Variants in EIF4E1B observed in about 807,000 individuals in gnomAD.
The protein encoded by EIF4E1B is eukaryotic translation initiation factor 4E type 1B.
EIF4E1B carries 22 observed loss-of-function variants against 31.3 expected under a neutral mutation model. The ratio of observed to expected loss-of-function variants is 0.70; its 90% confidence interval spans 0.50 to 1.00. The LOEUF is 1.00. Among genes scored for constraint, EIF4E1B ranks in the 50% least tolerant of loss-of-function variants. The pLI is 0.00. For synonymous variants in EIF4E1B, 126 were observed against 120.2 expected, an observed-to-expected ratio of 1.05 and a Z score of -0.31; for missense variants, 290 against 311.6, an observed-to-expected ratio of 0.93 and a Z score of 0.52.
chr5:176,645,766 G>A lies in EIF4E1B; in HGVS notation c.615-100G>A, dbSNP rs571725656. 265 of 1,185,560 alleles carry A rather than the reference G, an allele frequency of 2.2e-4. No individual in the cohort carries two copies. Among genetic ancestry groups the A allele is most frequent in the Non-Finnish European group, 2.8e-4 (236 of 855,488 alleles). 73.4% of individuals were successfully genotyped at this position (1,185,560 alleles called of 1,614,324 possible). A position where few individuals can be genotyped will look rare whatever the true frequency, so the allele number is the denominator to read the frequency against. On this transcript the variant is annotated intron_variant, in intron 8 of 8. Transcript: ENST00000318682. The surrounding 1 kb of genome is among the most constrained non-coding windows in gnomAD (Gnocchi z 5.4). Reference sequence around the variant, plus strand: ...TGGGTAAGACACAACAGGTGTGGCTGTGGCCAGAATGAGGGTAGGAGTCTG... The same window carrying A: ...TGGGTAAGACACAACAGGTGTGGCTATGGCCAGAATGAGGGTAGGAGTCTG...
At chr5:176,644,743 C>A (rs943610232) in intron 6 of EIF4E1B, 9 of 500,048 alleles carry the variant, frequency 1.8e-5, no homozygotes, top group African/African-American at 3.9e-5. Flanking sequence ...CCACACCCAT[C>A]CCTGGAGGGC....
intron 2 of EIF4E1B, 135 bp from the exon 3 acceptor site, chr5:176,642,575 G>A: frequency 1.5e-6 from 1 of 654,528 alleles, no homozygotes; most frequent in South Asian, 2.3e-5. Context: ...GTGCCAGAAG[G>A]CCCCACGGCC....
intron 1 of EIF4E1B, among the ~76,000 whole-genome samples, chr5:176,631,524 G>A (rs775545140): frequency 2.0e-5 from 3 of 152,068 alleles, no homozygotes; most frequent in Admixed American, 6.5e-5. Flanking sequence ...CTATTTCATC[G>A]AGCAGGCTAG....
rs1479712020 is a variant in EIF4E1B at position 176,645,292 on chromosome 5, T to A, written c.474+49T>A. ...CAGGGGAAGAGACGGGCTGTGTGGG[T>A]CTCATGGTGGCAGTGGTCTCAAGGA... On this transcript the variant is annotated intron_variant, in intron 7 of 8. Coordinates refer to ENST00000318682, the MANE Select transcript of EIF4E1B (RefSeq NM_001099408.2). This position sits in a 1 kb window ranked among gnomAD's most constrained non-coding sequence, Gnocchi z 5.4. 6.3e-7 allele frequency: 1 copy of A among 1,589,298 alleles called. No homozygotes were observed. The highest frequency in any genetic ancestry group is 1.1e-5 in the South Asian group (1 of 88,158).
intron 1 of EIF4E1B, among the ~76,000 whole-genome samples, chr5:176,639,713 G>A (rs1202641829): frequency 6.6e-6 from 1 of 152,000 alleles, no homozygotes; most frequent in Non-Finnish European, 1.5e-5. Context: ...ACCCTCCCAG[G>A]CTGATTTGAG....
chr5:176,644,088 C>T lies in EIF4E1B; in HGVS notation c.297-288C>T, dbSNP rs1263886606. ...ACGGGAGTGGCTCTGAAAAGGGCTACACAAGCCCTAGGGAGGGTGAGAAGG... is the reference window on the plus strand; with the variant it reads ...ACGGGAGTGGCTCTGAAAAGGGCTATACAAGCCCTAGGGAGGGTGAGAAGG... On this transcript the variant is annotated intron_variant, in intron 5 of 8. Coordinates refer to ENST00000318682, the MANE Select transcript of EIF4E1B (RefSeq NM_001099408.2). 12 of 568,342 alleles carry T rather than the reference C, an allele frequency of 2.1e-5. No homozygotes were observed. In the South Asian group the frequency reaches 2.7e-4, roughly 13 times the overall value. 35.2% of individuals were successfully genotyped at this position (568,342 alleles called of 1,614,324 possible). A position where few individuals can be genotyped will look rare whatever the true frequency, so the allele number is the denominator to read the frequency against.
chr5:176,646,284 A>G lies in EIF4E1B; in HGVS notation c.*304A>G, dbSNP rs1290800246. On this transcript the variant is annotated 3_prime_UTR_variant, in exon 9 of 9. Coordinates refer to ENST00000318682, the MANE Select transcript of EIF4E1B (RefSeq NM_001099408.2). ...GGCTCTATGGTAGGCGGAGAAACCCATAGTCCAGCGTTTACTGTTTCCACC... is the reference window on the plus strand; with the variant it reads ...GGCTCTATGGTAGGCGGAGAAACCCGTAGTCCAGCGTTTACTGTTTCCACC... The G allele has an allele frequency of 6.2e-6, 2 of 324,748 alleles. No individual in the cohort carries two copies. Among genetic ancestry groups the G allele is most frequent in the Non-Finnish European group, 1.2e-5 (2 of 169,950 alleles). The allele number at this position is 324,748 out of a possible 1,614,324, so 20.1% of individuals were successfully genotyped here.
intron 1 of EIF4E1B, among the ~76,000 whole-genome samples, chr5:176,639,718 T>C (rs140329296): frequency 3.2e-4 from 48 of 152,174 alleles, no homozygotes; most frequent in African/African-American, 1.1e-3. Context: ...CCCAGGCTGA[T>C]TTGAGACCAG....
At position 176,645,291 on chromosome 5, in the gene EIF4E1B, G is replaced by A. The variant is rs1760672077; in HGVS notation, c.474+48G>A. ...TCAGGGGAAGAGACGGGCTGTGTGGGTCTCATGGTGGCAGTGGTCTCAAGG... is the reference window on the plus strand; with the variant it reads ...TCAGGGGAAGAGACGGGCTGTGTGGATCTCATGGTGGCAGTGGTCTCAAGG... On this transcript the variant is annotated intron_variant, in intron 7 of 8. Coordinates refer to ENST00000318682, the MANE Select transcript of EIF4E1B (RefSeq NM_001099408.2). This position sits in a 1 kb window ranked among gnomAD's most constrained non-coding sequence, Gnocchi z 5.4. 3 of 1,587,738 alleles carry A rather than the reference G, an allele frequency of 1.9e-6. No individual in the cohort carries two copies. The highest frequency in any genetic ancestry group is 1.1e-5 in the South Asian group (1 of 87,826).
chr5:176,637,932 TG>T (rs1467272834), intron 1 of EIF4E1B, among the ~76,000 whole-genome samples: 1 of 152,114 alleles, frequency 6.6e-6, no homozygotes, highest in Non-Finnish European at 1.5e-5. Flanking sequence ...TGGGCTGGGA[TG>T]GTGGCAATGG....
intron 3 of EIF4E1B, 73 bp downstream of exon 3, chr5:176,642,875 G>T (rs1235405145): frequency 9.3e-6 from 5 of 537,454 alleles, no homozygotes; most frequent in Non-Finnish European, 1.3e-5. Context: ...CGCCCCAGGT[G>T]GGCGGGGCAG....
In EIF4E1B at chr5:176,645,885, C is replaced by G; in HGVS notation, c.634C>G (p.Leu212Val). ...LHVGRVYKER[L>V]GLSPKTIIGY... Reference sequence around the variant, plus strand: ...CTGCAGGCGTGTATACAAAGAGCGCCTGGGCCTCTCCCCAAAGACCATCAT... The same window carrying G: ...CTGCAGGCGTGTATACAAAGAGCGCGTGGGCCTCTCCCCAAAGACCATCAT... The change falls in exon 9 of 9, where the codon CTG (leucine) becomes GTG (valine). Residue 212 changes from leucine to valine, a missense_variant. By Grantham distance (32) the Leu-to-Val change is conservative. Transcript: ENST00000318682. This position sits in a 1 kb window ranked among gnomAD's most constrained non-coding sequence, Gnocchi z 5.4. 1 of 1,601,390 alleles carries G rather than the reference C, an allele frequency of 6.2e-7. No homozygotes were observed. The highest frequency in any genetic ancestry group is 8.5e-7 in the Non-Finnish European group (1 of 1,174,206).
chr5:176,644,379 A>C lies in EIF4E1B; in HGVS notation c.300A>C (p.Leu100=). 1 of 1,589,376 alleles carries C rather than the reference A, an allele frequency of 6.3e-7. No individual in the cohort carries two copies. Among genetic ancestry groups the C allele is most frequent in the Non-Finnish European group, 8.6e-7 (1 of 1,167,668 alleles). The change falls in exon 6 of 9, where the codon CTA becomes CTC. Residue 100 remains leucine, a synonymous_variant. Transcript: ENST00000318682. ...TGGGGTCGGGGGCTCTGTCCAGGCT[A>C]TACAGTCACATCCAGCTGGCCAGCA... ...KVDTVEDFWA[L]YSHIQLASKL...
In EIF4E1B at chr5:176,645,298, G is replaced by T. The variant is rs1317185653; in HGVS notation, c.474+55G>T. 1 of 1,580,306 alleles carries T rather than the reference G, an allele frequency of 6.3e-7. No homozygotes were observed. The highest frequency in any genetic ancestry group is 2.3e-5 in the East Asian group (1 of 44,226). On this transcript the variant is annotated intron_variant, in intron 7 of 8. Coordinates refer to ENST00000318682, the MANE Select transcript of EIF4E1B (RefSeq NM_001099408.2). This position sits in a 1 kb window ranked among gnomAD's most constrained non-coding sequence, Gnocchi z 5.4. Reference sequence around the variant, plus strand: ...AAGAGACGGGCTGTGTGGGTCTCATGGTGGCAGTGGTCTCAAGGATGGCAG... The same window carrying T: ...AAGAGACGGGCTGTGTGGGTCTCATTGTGGCAGTGGTCTCAAGGATGGCAG...
At chr5:176,633,023 C>G (rs563525525) in intron 1 of EIF4E1B, among the ~76,000 whole-genome samples, 1 of 152,296 alleles carries the variant, frequency 6.6e-6, no homozygotes, top group African/African-American at 2.4e-5. Context: ...GGACCATTGG[C>G]AGCAGTGACA....
chr5:176,645,982 G>T lies in EIF4E1B; in HGVS notation c.*2G>T. On this transcript the variant is annotated 3_prime_UTR_variant, in exon 9 of 9. Transcript: ENST00000318682. The surrounding 1 kb of genome is among the most constrained non-coding windows in gnomAD (Gnocchi z 5.4). ...GCCAAGAACAAGTTTGTGGTGTGAG[G>T]GGGGCCTTGGCACCCCTCCTATGTA... 1 of 1,596,126 alleles carries T rather than the reference G, an allele frequency of 6.3e-7. No individual in the cohort carries two copies.
At chr5:176,639,052 C>T (rs12656112) in intron 1 of EIF4E1B, among the ~76,000 whole-genome samples, 34,200 of 152,208 alleles carry the variant, frequency 0.22, 4,397 homozygotes, top group Middle Eastern at 0.35. Flanking sequence ...CCACTGGCCT[C>T]GGCCTCCCAA....
intron 2 of EIF4E1B, 73 bp from the exon 3 acceptor site, chr5:176,642,636 TG>T: frequency 7.7e-7 from 1 of 1,297,422 alleles, no homozygotes; most frequent in Non-Finnish European, 1.1e-6. Flanking sequence ...CCTCACATTC[TG>T]GGGTCACCCT....
chr5:176,637,361 C>T (rs7380632), intron 1 of EIF4E1B, among the ~76,000 whole-genome samples: 34,083 of 152,164 alleles, frequency 0.22, 4,420 homozygotes, highest in Middle Eastern at 0.35. Context: ...ATCCTTTGAA[C>T]CCAGGAGGCA....
Sources: gnomAD v4.1 joint callset for allele counts (sites outside exome capture counted in the v4.1 genomes callset) on GRCh38, gnomAD v4.1.1 for gene constraint, Gnocchi (gnomAD v3.1) non-coding constraint, MANE v1.5 for transcripts, NCBI Gene and HGNC (gene_info 2026-07-23, HGNC 2026-07-21) for gene names.